The following PLXNC1 variants were observed in gnomAD, a reference collection of about 807,000 sequenced individuals.
PLXNC1 encodes plexin-C1.
PLXNC1 carries 75 observed loss-of-function variants against 178.2 expected under a neutral mutation model. The ratio of observed to expected loss-of-function variants is 0.42; its 90% CI spans 0.35 to 0.51. The LOEUF (loss-of-function observed/expected upper bound fraction) is 0.51, where lower values mean the gene tolerates loss of function less well. Among genes scored for constraint, PLXNC1 ranks in the 20% least tolerant of loss-of-function variants. PLXNC1 has a pLI of 0.02. For missense variants in PLXNC1, 1,503 were observed against 1,984.4 expected, an observed-to-expected ratio of 0.76 and a Z score of 4.61; for synonymous variants, 790 against 779.9, an observed-to-expected ratio of 1.01 and a Z score of -0.22.
chr12:94,152,132 C>T (rs1960984416), intron 1 of PLXNC1, among the ~76,000 whole-genome samples: 2 of 152,182 alleles, frequency 1.3e-5, no homozygotes, highest in Non-Finnish European at 2.9e-5. Flanking sequence ...AAATAATATA[C>T]TCTGGTTCAA....
chr12:94,165,972 C>T (rs1961592373), intron 1 of PLXNC1, among the ~76,000 whole-genome samples: 2 of 152,036 alleles, frequency 1.3e-5, no homozygotes, highest in Non-Finnish European at 2.9e-5. Flanking sequence ...TTCCAGTGGA[C>T]TTCTCACATC....
chr12:94,294,038 T>C (rs116856706), intron 23 of PLXNC1, among the ~76,000 whole-genome samples: 6,905 of 151,884 alleles, frequency 0.045, 216 homozygotes, highest in Non-Finnish European at 0.072. Flanking sequence ...GATTTAAACA[T>C]AGGAATCTGG....
At chr12:94,233,678 C>T (rs913197374) in intron 9 of PLXNC1, among the ~76,000 whole-genome samples, 3 of 152,098 alleles carry the variant, frequency 2.0e-5, no homozygotes, top group African/African-American at 7.2e-5. Flanking sequence ...GAGGGGCCCC[C>T]GTGAAAAGGC....
At chr12:94,153,183 A>T (rs1961023300) in intron 1 of PLXNC1, among the ~76,000 whole-genome samples, 1 of 152,226 alleles carries the variant, frequency 6.6e-6, no homozygotes, top group Non-Finnish European at 1.5e-5. Context: ...CAAGATAGTT[A>T]AGTGCCAAAG....
At chr12:94,250,631 A>T (rs530865809) in intron 14 of PLXNC1, among the ~76,000 whole-genome samples, 1 of 152,206 alleles carries the variant, frequency 6.6e-6, no homozygotes, top group Non-Finnish European at 1.5e-5. Flanking sequence ...CAAGTTTCAC[A>T]AAATATAACC....
intron 2 of PLXNC1, 32 bp from the exon 3 acceptor site, chr12:94,181,414 A>C: frequency 5.3e-5 from 62 of 1,163,946 alleles, no homozygotes; most frequent in East Asian, 7.7e-5. Context: ...TTAAATAGAA[A>C]TCATGTTTCT....
In PLXNC1 at chr12:94,240,712, A is replaced by G. The variant is rs780558989; in HGVS notation, c.2300+48A>G. The G allele has an allele frequency of 2.0e-5, 26 of 1,324,304 alleles. No homozygotes were observed. In the South Asian group the frequency reaches 3.2e-4, roughly 17 times the overall value. The allele number at this position is 1,324,304 out of a possible 1,614,324, so 82.0% of individuals were successfully genotyped here. On this transcript the variant is annotated intron_variant, in intron 11 of 30. Transcript: ENST00000258526. The stretch of plus-strand genomic sequence containing the variant: ...TTTTCTCATTGTGGTTAAAGGTCAT[A>G]TGCCCAAAGATCATTGATTTTATTC...
At chr12:94,242,268 G>T (rs1342490804) in intron 11 of PLXNC1, among the ~76,000 whole-genome samples, 5 of 149,662 alleles carry the variant, frequency 3.3e-5, no homozygotes, top group Non-Finnish European at 5.9e-5. Flanking sequence ...TCTTCACGTG[G>T]TCTTCCCTCT....
chr12:94,223,264 TAAAC>T (rs755379027), intron 6 of PLXNC1, among the ~76,000 whole-genome samples: 57 of 152,174 alleles, frequency 3.7e-4, no homozygotes, highest in Middle Eastern at 3.4e-3. Flanking sequence ...AATAAATAAA[TAAAC>T]AAACAAATAA....
intron 11 of PLXNC1, among the ~76,000 whole-genome samples, chr12:94,243,370 G>T (rs889242348): frequency 6.6e-6 from 1 of 152,224 alleles, no homozygotes. Flanking sequence ...ACTGAGAAAC[G>T]TGAAGTTATT....
At chr12:94,157,268 G>T (rs1171692431) in intron 1 of PLXNC1, among the ~76,000 whole-genome samples, 1 of 152,184 alleles carries the variant, frequency 6.6e-6, no homozygotes, top group Admixed American at 6.5e-5. Flanking sequence ...GATGGCGGAA[G>T]AGCCACACCA....
intron 4 of PLXNC1, among the ~76,000 whole-genome samples, chr12:94,205,376 T>C (rs1963267955): frequency 6.6e-6 from 1 of 152,186 alleles, no homozygotes; most frequent in African/African-American, 2.4e-5. Context: ...AGAAGAAAAC[T>C]GCTATATAAT....
At chr12:94,258,129 AAAAAC>A (rs1156411558) in intron 17 of PLXNC1, among the ~76,000 whole-genome samples, 1 of 152,214 alleles carries the variant, frequency 6.6e-6, no homozygotes, top group African/African-American at 2.4e-5. Context: ...TCCGTCTCAA[AAAAAC>A]AAAACAAACA....
intron 4 of PLXNC1, among the ~76,000 whole-genome samples, chr12:94,192,247 TG>T (rs750557154): frequency 6.6e-6 from 1 of 152,174 alleles, no homozygotes; most frequent in Non-Finnish European, 1.5e-5. Context: ...ATGCCATTCT[TG>T]GCTTTAAGGA....
In PLXNC1 at chr12:94,181,430, T is replaced by C; in HGVS notation, c.1204-16T>C. On this transcript the variant is annotated splice_polypyrimidine_tract_variant and intron_variant, in intron 2 of 30. Coordinates refer to ENST00000258526, the MANE Select transcript of PLXNC1 (RefSeq NM_005761.3). The stretch of plus-strand genomic sequence containing the variant: ...TAAATAGAAATCATGTTTCTCTTTT[T>C]GAAAAAAAAAAATAGGTTATTCTTG... 6.8e-7 allele frequency: 1 copy of C among 1,477,002 alleles called. No homozygotes were observed. Among genetic ancestry groups the C allele is most frequent in the Non-Finnish European group, 9.3e-7 (1 of 1,080,936 alleles). The allele number at this position is 1,477,002 out of a possible 1,614,324, so 91.5% of individuals were successfully genotyped here.
At chr12:94,281,244 A>T (rs1481420175) in intron 22 of PLXNC1, among the ~76,000 whole-genome samples, 1 of 152,122 alleles carries the variant, frequency 6.6e-6, no homozygotes, top group East Asian at 1.9e-4. Flanking sequence ...GCGCCACTGT[A>T]CTCCAGCCTG....
intron 2 of PLXNC1, among the ~76,000 whole-genome samples, chr12:94,177,885 G>A (rs1001463623): frequency 2.0e-5 from 3 of 152,082 alleles, no homozygotes; most frequent in African/African-American, 2.4e-5. Context: ...ACATGATGTC[G>A]TTTCACCTCA....
intron 4 of PLXNC1, among the ~76,000 whole-genome samples, chr12:94,204,434 C>G (rs1963234557): frequency 6.6e-6 from 1 of 152,100 alleles, no homozygotes; most frequent in Non-Finnish European, 1.5e-5. Flanking sequence ...GATGTTTTTG[C>G]TTAAAAAAAA....
In PLXNC1 at chr12:94,306,092, C is replaced by A. The variant is rs1014917863; in HGVS notation, c.*807C>A. ...CATGTTGGATATTATACAAAAAAAT[C>A]ATTAATTCATTTCTGTTCCAAAACC... On this transcript the variant is annotated 3_prime_UTR_variant, in exon 31 of 31. Transcript: ENST00000258526. The A allele has an allele frequency of 6.6e-6, 1 of 152,004 alleles. No individual in the cohort carries two copies. The allele number at this position is 152,004 out of a possible 1,614,324, so 9.4% of individuals were successfully genotyped here. A position where few individuals can be genotyped will look rare whatever the true frequency, so the allele number is the denominator to read the frequency against.
Sources: gnomAD v4.1 joint callset for allele counts (sites outside exome capture counted in the v4.1 genomes callset) on GRCh38, gnomAD v4.1.1 for gene constraint, MANE v1.5 for transcripts, NCBI Gene and HGNC (gene_info 2026-07-23, HGNC 2026-07-21) for gene names.